Variants in MPP7 observed in about 807,000 individuals in gnomAD.
The protein encoded by MPP7 is MAGUK p55 subfamily member 7.
In MPP7, 60 loss-of-function variants were observed where a neutral mutation model predicts 76.5. The observed-to-expected ratio is 0.78, with a 90% CI of 0.64 to 0.97. MPP7 has a LOEUF of 0.97. Among genes scored for constraint, MPP7 ranks in the 50% least tolerant of loss-of-function variants. The pLI is 0.00. For missense variants in MPP7, 641 were observed against 694.0 expected, an observed-to-expected ratio of 0.92 and a Z score of 0.86; for synonymous variants, 237 against 244.5, an observed-to-expected ratio of 0.97 and a Z score of 0.29.
At chr10:28,090,777 G>C (rs1055836817) in intron 11 of MPP7, among the ~76,000 whole-genome samples, 9 of 152,204 alleles carry the variant, frequency 5.9e-5, no homozygotes, top group African/African-American at 2.2e-4. Context: ...CCAGGGGATG[G>C]AATAAATCAT....
chr10:28,155,321 GGCTCACACCGGTAA>G (rs1836016040), intron 3 of MPP7, among the ~76,000 whole-genome samples: 1 of 152,104 alleles, frequency 6.6e-6, no homozygotes, highest in African/African-American at 2.4e-5. Context: ...CAAGTGCGGT[GGCTCACACCGGTAA>G]GCCCAGCACT....
At chr10:28,166,829 T>C (rs1836480715) in intron 3 of MPP7, among the ~76,000 whole-genome samples, 1 of 152,218 alleles carries the variant, frequency 6.6e-6, no homozygotes, top group Non-Finnish European at 1.5e-5. Context: ...GTAAGAACTT[T>C]TCCAACACTT....
chr10:28,165,058 C>T (rs1836399565), intron 3 of MPP7, among the ~76,000 whole-genome samples: 1 of 152,132 alleles, frequency 6.6e-6, no homozygotes, highest in Non-Finnish European at 1.5e-5. Context: ...CTTCGCCTCA[C>T]TAATACCTAT....
Position 28,069,753 on chromosome 10 carries a change from TGAGTA to T in MPP7, c.1204+14_1204+18del. 6 of 1,590,934 alleles carry T rather than the reference TGAGTA, an allele frequency of 3.8e-6. No individual in the cohort carries two copies. Among genetic ancestry groups the T allele is most frequent in the Non-Finnish European group, 5.2e-6 (6 of 1,161,704 alleles). The stretch of plus-strand genomic sequence containing the variant: ...ATCGTAAGTGTAGTCATAGGAACAC[TGAGTA>T]GCGCAGAACTCACGGGGCACTGTCA... On this transcript the variant is annotated intron_variant, in intron 13 of 16. Transcript: ENST00000683449.
rs376315746 is a variant in MPP7, at chr10:28,149,998, G to A, written c.218C>T (p.Ala73Val). 2.6e-5 allele frequency: 42 copies of A among 1,613,214 alleles called. No individual in the cohort carries two copies. Among genetic ancestry groups the A allele is most frequent in the Middle Eastern group, 1.6e-4 (1 of 6,082 alleles). Residue 73 changes from alanine (A) to valine (V), a missense_variant, in exon 4 of 17, where the codon GCG becomes GTG. Physicochemically the swap from Ala to Val is moderately conservative, Grantham distance 64 (BLOSUM62 0). Transcript: ENST00000683449. The stretch of plus-strand genomic sequence containing the variant: ...CACACTTACATCATCGGCCAAGGCC[G>A]CCGCACCATGGAGAATGGGCACCGG... The part of the protein sequence containing the change: ...QSPVPILHGA[A>V]ALADDLAEEL...
intron 13 of MPP7, among the ~76,000 whole-genome samples, chr10:28,067,020 T>C (rs761013084): frequency 6.6e-6 from 1 of 152,152 alleles, no homozygotes; most frequent in Non-Finnish European, 1.5e-5. Flanking sequence ...AGTACGTGTC[T>C]TTTGGTGAAC....
chr10:28,313,865 TTATTTTTTTTA>T (rs1170107892), intron 2 of MPP7, among the ~76,000 whole-genome samples: 293 of 20,180 alleles, frequency 0.015, 23 homozygotes, highest in African/African-American at 0.052. Flanking sequence ...TTTTTTTTTT[TTATTTTTTTTA>T]TTTTTTTTTG....
At chr10:28,054,990 T>A (rs959246869) in intron 16 of MPP7, among the ~76,000 whole-genome samples, 10 of 152,162 alleles carry the variant, frequency 6.6e-5, no homozygotes, top group African/African-American at 2.4e-4. Context: ...ATTACCACGT[T>A]CCTTCGATGT....
At chr10:28,226,726 T>C (rs886121854) in intron 2 of MPP7, among the ~76,000 whole-genome samples, 1 of 152,114 alleles carries the variant, frequency 6.6e-6, no homozygotes, top group East Asian at 1.9e-4. Flanking sequence ...AATAAGAAAA[T>C]CTTAAAAATG....
intron 6 of MPP7, among the ~76,000 whole-genome samples, chr10:28,126,145 TA>T (rs1356149956): frequency 4.6e-5 from 7 of 152,112 alleles, no homozygotes; most frequent in Admixed American, 2.0e-4. Context: ...CCAATAATAG[TA>T]AAAAAGTCAA....
chr10:28,219,102 C>T (rs531067760), intron 2 of MPP7, among the ~76,000 whole-genome samples: 16 of 152,264 alleles, frequency 1.1e-4, no homozygotes, highest in South Asian at 2.1e-4. Flanking sequence ...AAGAGAATTT[C>T]GTTTAGAACA....
intron 6 of MPP7, among the ~76,000 whole-genome samples, chr10:28,126,389 C>T (rs937200144): frequency 2.0e-5 from 3 of 152,198 alleles, no homozygotes; most frequent in Non-Finnish European, 4.4e-5. Flanking sequence ...AATGACATGT[C>T]TCAAATTTTC....
intron 3 of MPP7, among the ~76,000 whole-genome samples, chr10:28,171,168 C>A (rs558899623): frequency 3.7e-4 from 57 of 152,238 alleles, no homozygotes; most frequent in South Asian, 8.3e-4. Flanking sequence ...CACCTTCAGT[C>A]CATATCTTCT....
chr10:28,270,808 C>G (rs1475895610), intron 1 of MPP7, among the ~76,000 whole-genome samples: 2 of 152,144 alleles, frequency 1.3e-5, no homozygotes, highest in African/African-American at 4.8e-5. Flanking sequence ...TTTGAAGAGT[C>G]TTGAAGCCTG....
chr10:28,332,323 A>G (rs1423095292), intron 1 of MPP7, among the ~76,000 whole-genome samples: 1 of 151,116 alleles, frequency 6.6e-6, no homozygotes, highest in Non-Finnish European at 1.5e-5. Flanking sequence ...TCCATTTCCC[A>G]TCTATTTCTC....
chr10:28,214,732 G>A (rs987157262), intron 2 of MPP7, among the ~76,000 whole-genome samples: 18 of 152,106 alleles, frequency 1.2e-4, no homozygotes, highest in Admixed American at 3.3e-4. Context: ...CTTTGGGAAG[G>A]GATTCAGTTC....
intron 1 of MPP7, among the ~76,000 whole-genome samples, chr10:28,300,626 C>G (rs1379846424): frequency 2.0e-5 from 3 of 152,040 alleles, no homozygotes; most frequent in African/African-American, 7.2e-5. Context: ...GAGGTATTAG[C>G]CACAAAACAA....
chr10:28,175,812 G>A (rs1413204431), intron 3 of MPP7, among the ~76,000 whole-genome samples: 2 of 152,108 alleles, frequency 1.3e-5, no homozygotes, highest in African/African-American at 4.8e-5. Context: ...CTCTCCATGG[G>A]AGAGCAACTA....
intron 1 of MPP7, among the ~76,000 whole-genome samples, chr10:28,262,140 ACT>A (rs1839970503): frequency 6.9e-6 from 1 of 145,950 alleles, no homozygotes; most frequent in African/African-American, 2.5e-5. Flanking sequence ...ACAGAGCAAG[ACT>A]CTGTCTCAAA....
Sources: gnomAD v4.1 joint callset for allele counts (sites outside exome capture counted in the v4.1 genomes callset) on GRCh38, gnomAD v4.1.1 for gene constraint, MANE v1.5 for transcripts, NCBI Gene and HGNC (gene_info 2026-07-23, HGNC 2026-07-21) for gene names.